SPAG16: variants seen among roughly 807,000 people sequenced by gnomAD.
The protein encoded by SPAG16 is sperm associated antigen 16.
A neutral mutation model predicts 80.4 loss-of-function variants in SPAG16; 86 were observed. The observed-to-expected ratio is 1.07, with a 90% CI of 0.90 to 1.28. SPAG16 has a LOEUF of 1.28. Ranked by LOEUF, SPAG16 falls within the 50% of genes most tolerant of loss-of-function variation. The pLI is 0.00. For missense variants in SPAG16, 870 were observed against 765.3 expected, an observed-to-expected ratio of 1.14 and a Z score of -1.61; for synonymous variants, 294 against 265.9, an observed-to-expected ratio of 1.11 and a Z score of -1.03.
chr2:213,832,324 C>T (rs750194166), intron 10 of SPAG16, among the ~76,000 whole-genome samples: 5 of 151,952 alleles, frequency 3.3e-5, no homozygotes, highest in South Asian at 2.1e-4. Flanking sequence ...GCTCAGAACA[C>T]GATACCCCGA....
chr2:213,718,262 A>T lies in SPAG16; in HGVS notation c.1071-144223A>T, dbSNP rs190823577. 1.2e-4 allele frequency among the ~76,000 whole-genome samples: 18 copies of T among 152,334 alleles called. No individual in the cohort carries two copies. In the East Asian group the frequency reaches 3.5e-3, roughly 29 times the overall value. On this transcript the variant is annotated intron_variant, in intron 10 of 15. Transcript: ENST00000331683. ...AATAAACAAATGAAAAAAGCTCATA[A>T]TCACTGGTCACTAGAGAAATGCAAA...
At chr2:214,337,973 A>G (rs1697411201) in intron 15 of SPAG16, among the ~76,000 whole-genome samples, 1 of 152,122 alleles carries the variant, frequency 6.6e-6, no homozygotes, top group Non-Finnish European at 1.5e-5. Context: ...GGACATGACT[A>G]GTGGTAGAGA....
intron 10 of SPAG16, among the ~76,000 whole-genome samples, chr2:213,599,661 CCGCA>C: frequency 1.3e-5 from 2 of 152,132 alleles, no homozygotes; most frequent in Non-Finnish European, 2.9e-5. Context: ...GGCTTCTTGT[CCGCA>C]AGAAGGCTAT....
At chr2:213,593,339 A>C (rs1415223768) in intron 10 of SPAG16, among the ~76,000 whole-genome samples, 1 of 152,138 alleles carries the variant, frequency 6.6e-6, no homozygotes, top group Non-Finnish European at 1.5e-5. Context: ...CCTTGATCAA[A>C]TTCATGGACT....
At chr2:214,171,715 A>G (rs1373756792) in intron 15 of SPAG16, among the ~76,000 whole-genome samples, 1 of 152,000 alleles carries the variant, frequency 6.6e-6, no homozygotes, top group Non-Finnish European at 1.5e-5. Context: ...ATAGAATTGA[A>G]TAATTTCATG....
intron 10 of SPAG16, among the ~76,000 whole-genome samples, chr2:213,692,678 C>T (rs990688426): frequency 9.2e-5 from 14 of 151,850 alleles, no homozygotes; most frequent in African/African-American, 3.1e-4. Context: ...GCCATGGTGG[C>T]GGGTGCCTGT....
chr2:213,376,781 A>G (rs578103768), intron 9 of SPAG16, among the ~76,000 whole-genome samples: 1 of 152,292 alleles, frequency 6.6e-6, no homozygotes, highest in South Asian at 2.1e-4. Flanking sequence ...AATTAATACT[A>G]ACATTTAATC....
chr2:213,334,188 C>T (rs2064238072), intron 5 of SPAG16, among the ~76,000 whole-genome samples: 1 of 152,082 alleles, frequency 6.6e-6, no homozygotes, highest in Admixed American at 6.5e-5. Flanking sequence ...ATACAAATGG[C>T]AAACAGGTAT....
At chr2:213,956,985 T>C (rs774931723) in intron 12 of SPAG16, among the ~76,000 whole-genome samples, 7 of 152,216 alleles carry the variant, frequency 4.6e-5, no homozygotes, top group Non-Finnish European at 2.9e-5. Context: ...CATCTCGTTG[T>C]ACTCAGAGAA....
At chr2:213,950,735 G>A (rs190260419) in intron 12 of SPAG16, among the ~76,000 whole-genome samples, 35 of 118,656 alleles carry the variant, frequency 2.9e-4, no homozygotes, top group African/African-American at 1.0e-3. Flanking sequence ...CCTCAAGACG[G>A]TCTTGCTCTG....
chr2:213,907,822 G>A (rs943519298), intron 11 of SPAG16, among the ~76,000 whole-genome samples: 2 of 152,134 alleles, frequency 1.3e-5, no homozygotes, highest in East Asian at 1.9e-4. Context: ...CTAAAAAAAC[G>A]TTGAGCACAT....
chr2:213,951,661 CAA>C (rs2079787232), intron 12 of SPAG16, among the ~76,000 whole-genome samples: 1 of 151,822 alleles, frequency 6.6e-6, no homozygotes, highest in African/African-American at 2.4e-5. Flanking sequence ...CAAAATATGA[CAA>C]AAGAGTATAA....
intron 14 of SPAG16, among the ~76,000 whole-genome samples, chr2:214,118,754 G>A (rs1010622160): frequency 1.3e-5 from 2 of 150,900 alleles, no homozygotes; most frequent in Admixed American, 1.3e-4. Flanking sequence ...AGGGGATACA[G>A]CCAAACCATA....
chr2:213,344,281 C>T (rs2064846780), intron 6 of SPAG16, among the ~76,000 whole-genome samples: 1 of 152,072 alleles, frequency 6.6e-6, no homozygotes, highest in Non-Finnish European at 1.5e-5. Flanking sequence ...TACTGTCTGC[C>T]AGGGTAGCTC....
intron 13 of SPAG16, among the ~76,000 whole-genome samples, chr2:214,090,498 A>G (rs1419029495): frequency 6.6e-6 from 1 of 151,746 alleles, no homozygotes; most frequent in East Asian, 2.0e-4. Context: ...AAAGAAAGAA[A>G]GAGTAAAATA....
rs1553515481 is a variant in SPAG16 at position 214,149,090 on chromosome 2, T to TATAC, written c.1594-47_1594-46insCATA. On this transcript the variant is annotated intron_variant, in intron 14 of 15. Transcript: ENST00000331683. The stretch of plus-strand genomic sequence containing the variant: ...GTGTGTGTGTGTGTATATATATATA[T>TATAC]ATATATACATACATACACATTTTAT... 4.0e-4 allele frequency: 249 copies of TATAC among 616,840 alleles called. 4 individuals carry two copies. In the African/African-American group the frequency reaches 4.2e-3, roughly 10 times the overall value. The allele number at this position is 616,840 out of a possible 1,614,324, so 38.2% of individuals were successfully genotyped here. A position where few individuals can be genotyped will look rare whatever the true frequency, so the allele number is the denominator to read the frequency against.
intron 15 of SPAG16, among the ~76,000 whole-genome samples, chr2:214,342,390 T>G (rs1024302016): frequency 6.6e-6 from 1 of 152,194 alleles, no homozygotes; most frequent in African/African-American, 2.4e-5. Flanking sequence ...CTTGCACTAG[T>G]GCCTGAGTTC....
chr2:213,829,015 C>T lies in SPAG16; in HGVS notation c.1071-33470C>T, dbSNP rs182018002. 3.5e-4 allele frequency among the ~76,000 whole-genome samples: 53 copies of T among 152,232 alleles called. No individual in the cohort carries two copies. In the South Asian group the frequency reaches 0.011, roughly 31 times the overall value. On this transcript the variant is annotated intron_variant, in intron 10 of 15. Coordinates refer to ENST00000331683, the MANE Select transcript of SPAG16 (RefSeq NM_024532.5). ...CATAGTACTGGTTCTCACCCAAGGC[C>T]CACTGTAACCACTACCTGGCTAATG...
At chr2:213,864,813 C>T (rs1338176759) in intron 11 of SPAG16, among the ~76,000 whole-genome samples, 1 of 151,680 alleles carries the variant, frequency 6.6e-6, no homozygotes, top group Non-Finnish European at 1.5e-5. Context: ...CTTGACTGAC[C>T]CCAATCAATC....
Sources: gnomAD v4.1 joint callset for allele counts (sites outside exome capture counted in the v4.1 genomes callset) on GRCh38, gnomAD v4.1.1 for gene constraint, MANE v1.5 for transcripts, NCBI Gene and HGNC (gene_info 2026-07-23, HGNC 2026-07-21) for gene names.